KCNT1: variants seen among roughly 807,000 people sequenced by gnomAD.
KCNT1 encodes the protein potassium channel subfamily T member 1.
A neutral mutation model predicts 147.8 loss-of-function variants in KCNT1; 78 were observed. The observed-to-expected ratio is 0.53, with a 90% CI of 0.44 to 0.64. KCNT1 has a LOEUF of 0.64. Among genes scored for constraint, KCNT1 ranks in the 30% least tolerant of loss-of-function variants. KCNT1 has a pLI of 0.00. For missense variants in KCNT1, 1,419 were observed against 1,750.3 expected (o/e 0.81, Z 3.38); for synonymous variants, 867 against 748.8 (o/e 1.16, Z -2.58).
chr9:135,772,668 T>C, intron 18 of KCNT1, 47 bp from the exon 19 acceptor site: 3 of 1,317,564 alleles, frequency 2.3e-6, no homozygotes, highest in Non-Finnish European at 3.0e-6. Flanking sequence ...TCGCCGCCCA[T>C]GGAGGGTGGG....
chr9:135,755,096 T>C (rs1257072857), intron 5 of KCNT1, 25 bp from the exon 6 acceptor site: 2 of 1,598,756 alleles, frequency 1.3e-6, no homozygotes, highest in Admixed American at 1.7e-5. Context: ...GGTGCCCTAC[T>C]GTGCTGCCTC....
In KCNT1 at chr9:135,794,975, G is replaced by C. The variant is rs1456362685; in HGVS notation, c.*2814G>C. ...AGTAGGATCTGAGCAAAGGTTGAGG[G>C]ACTGAATTCCCTAAGAAGTCATCAC... is the stretch of plus-strand genomic sequence containing the variant. On this transcript the variant is annotated 3_prime_UTR_variant, in exon 31 of 31. Transcript: ENST00000371757. The C allele has an allele frequency of 6.6e-6, 1 of 152,156 alleles. No homozygotes were observed. Among genetic ancestry groups the C allele is most frequent in the Non-Finnish European group, 1.5e-5 (1 of 68,040 alleles). The allele number at this position is 152,156 out of a possible 1,614,324, so 9.4% of individuals were successfully genotyped here.
rs1782852499 is a variant in KCNT1 at position 135,772,741 on chromosome 9, A to T, written c.2035A>T (p.Thr679Ser). Residue 679 changes from threonine to serine, a missense_variant, in exon 19 of 31, where the codon ACA becomes TCA. Physicochemically the swap from Thr to Ser is moderately conservative, Grantham distance 58. This residue lies in a region of KCNT1 where 284 missense variants were observed against 292.8 expected (regional missense o/e 0.97). Transcript: ENST00000371757. ...GACAGTGGCCATGGACCTGCAGGGC[A>T]CAGAGCACCGGCCTACGCAGAGCGG... ...MGTVAMDLQG[T>S]EHRPTQSGGG... The T allele has an allele frequency of 7.0e-7, 1 of 1,430,962 alleles. No homozygotes were observed. The highest frequency in any genetic ancestry group is 2.7e-5 in the East Asian group (1 of 36,576). 88.6% of individuals were successfully genotyped at this position (1,430,962 alleles called of 1,614,324 possible).
intron 2 of KCNT1, among the ~76,000 whole-genome samples, chr9:135,740,671 C>A (rs764692381): frequency 6.6e-6 from 1 of 152,364 alleles, no homozygotes; most frequent in Non-Finnish European, 1.5e-5. Flanking sequence ...AGGGAGGTGA[C>A]GGCTTCGGGT....
chr9:135,785,957 C>G (rs757948717), intron 28 of KCNT1: 26 of 565,510 alleles, frequency 4.6e-5, no homozygotes, highest in Admixed American at 3.7e-4. Context: ...TGACCAGGCC[C>G]GGGCAGGGTG....
intron 29 of KCNT1, among the ~76,000 whole-genome samples, chr9:135,788,425 G>A (rs1328019609): frequency 1.3e-5 from 2 of 152,368 alleles, no homozygotes; most frequent in Admixed American, 1.3e-4. Flanking sequence ...GCAGAGTGGC[G>A]ACTGCCCAGC....
At chr9:135,739,705 G>GC (rs1260952237) in intron 2 of KCNT1, among the ~76,000 whole-genome samples, 1 of 152,086 alleles carries the variant, frequency 6.6e-6, no homozygotes, top group Non-Finnish European at 1.5e-5. Context: ...CCCCTGAGGT[G>GC]CCCCCGCCCT....
intron 2 of KCNT1, among the ~76,000 whole-genome samples, chr9:135,726,903 CAT>C (rs1444645405): frequency 1.9e-4 from 21 of 110,464 alleles, no homozygotes; most frequent in Non-Finnish European, 2.9e-4. Context: ...CCCTCTTTCC[CAT>C]TCTCTCTCTC....
chr9:135,759,647 C>T, intron 10 of KCNT1, 32 bp from the exon 11 acceptor site: 1 of 1,568,484 alleles, frequency 6.4e-7, no homozygotes, highest in Non-Finnish European at 8.7e-7. Flanking sequence ...GCTCCTGGGC[C>T]CCAGGCCGCC....
Position 135,752,543 on chromosome 9 carries a change from C to A in KCNT1, c.435-1394C>A. The A allele has an allele frequency of 2.4e-6, 1 of 424,180 alleles. No homozygotes were observed. The allele number at this position is 424,180 out of a possible 1,614,324, so 26.3% of individuals were successfully genotyped here. ...GCCCAAGTCTGTTGTGTTCACTGCC[C>A]GTCCCCTAGCACAGCGTCCAGGACA... On this transcript the variant is annotated intron_variant, in intron 4 of 30. Coordinates refer to ENST00000371757, the MANE Select transcript of KCNT1 (RefSeq NM_020822.3). This position sits in a 1 kb window ranked among gnomAD's most constrained non-coding sequence, Gnocchi z 5.1.
Position 135,788,204 on chromosome 9 carries a change from C to T in KCNT1, c.3502+1683C>T, listed in dbSNP as rs749541890. The T allele has an allele frequency of 5.9e-6, 9 of 1,526,916 alleles. 1 individual carries two copies. The South Asian group carries it at 8.9e-5, about 15-fold the overall frequency. 94.6% of individuals were successfully genotyped at this position (1,526,916 alleles called of 1,614,324 possible). On this transcript the variant is annotated intron_variant, in intron 29 of 30. Transcript: ENST00000371757. ...GGGTGCCGACCACCGCACAACGGGG[C>T]TCGCCAACCCTTCACCGCCGGCAGC...
intron 11 of KCNT1, among the ~76,000 whole-genome samples, chr9:135,763,186 T>C (rs1158943023): frequency 6.6e-6 from 1 of 151,894 alleles, no homozygotes; most frequent in Non-Finnish European, 1.5e-5. Context: ...GGGCTGGGGG[T>C]GATTGGGACA....
Position 135,755,084 on chromosome 9 carries a change from G to A in KCNT1, c.492-37G>A, listed in dbSNP as rs1379315290. The A allele has an allele frequency of 1.9e-6, 3 of 1,575,366 alleles. No individual in the cohort carries two copies. The African/African-American group carries it at 4.1e-5, about 21-fold the overall frequency. ...GGGTGGCTGGGGGACACTAGTGGCT[G>A]TGGTGCCCTACTGTGCTGCCTCCTT... On this transcript the variant is annotated intron_variant, in intron 5 of 30. Transcript: ENST00000371757.
intron 13 of KCNT1, among the ~76,000 whole-genome samples, chr9:135,768,025 A>C (rs1437306444): frequency 6.8e-6 from 1 of 147,860 alleles, no homozygotes; most frequent in Non-Finnish European, 1.5e-5. Context: ...CCCTGCCCCC[A>C]CCCGCTGTCA....
chr9:135,774,121 GGTGT>G (rs1203653371), intron 19 of KCNT1, among the ~76,000 whole-genome samples: 1 of 151,266 alleles, frequency 6.6e-6, no homozygotes, highest in East Asian at 1.9e-4. Context: ...TGTCACGTGT[GGTGT>G]GTGTTGTGTG....
intron 2 of KCNT1, among the ~76,000 whole-genome samples, chr9:135,749,700 G>A (rs1327845424): frequency 8.5e-5 from 13 of 152,352 alleles, no homozygotes; most frequent in East Asian, 1.9e-4. Context: ...CTGAGCACTT[G>A]CGGTGTCCTG....
At chr9:135,763,826 T>G (rs10116552) in intron 11 of KCNT1, among the ~76,000 whole-genome samples, 34,467 of 152,092 alleles carry the variant, frequency 0.23, 4,033 homozygotes, top group Middle Eastern at 0.34. Context: ...CATTAGCTCC[T>G]TCATCCTCAC....
At chr9:135,776,892 C>CTCCAGTCTG (rs1324284886) in intron 20 of KCNT1, among the ~76,000 whole-genome samples, 2 of 152,222 alleles carry the variant, frequency 1.3e-5, no homozygotes. Flanking sequence ...TCTTGGCCTT[C>CTCCAGTCTG]GCCTGCTCCA....
rs781049969 is a variant in KCNT1 at position 135,786,375 on chromosome 9, A to G, written c.3356A>G (p.Lys1119Arg). Residue 1119 changes from lysine (K) to arginine (R), a missense_variant, in exon 29 of 31, where the codon AAG (lysine) becomes AGG (arginine). This residue lies in a region of KCNT1 where 306 missense variants were observed against 294.2 expected (regional missense o/e 1.04). Coordinates refer to ENST00000371757, the MANE Select transcript of KCNT1 (RefSeq NM_020822.3). ...CAGTGGGCCCGGAGGCTGAGCCGCA[A>G]GGCGCCCAAGCAGGCAGGCCGGGCG... ...SLQWARRLSR[K>R]APKQAGRAAA... 5 of 1,577,840 alleles carry G rather than the reference A, an allele frequency of 3.2e-6. No homozygotes were observed. Among genetic ancestry groups the G allele is most frequent in the Admixed American group, 3.7e-5 (2 of 54,270 alleles).
Sources: allele counts gnomAD v4.1 joint callset (sites outside exome capture counted in the v4.1 genomes callset), GRCh38; gene constraint gnomAD v4.1.1; regional missense constraint gnomAD v4.1.1; non-coding constraint Gnocchi (gnomAD v3.1); transcripts MANE v1.5; gene names NCBI Gene and HGNC (gene_info 2026-07-23, HGNC 2026-07-21).